Variants in VSIG10 observed in about 807,000 individuals in gnomAD.
VSIG10 encodes V-set and immunoglobulin domain-containing protein 10.
VSIG10 carries 48 observed loss-of-function variants against 58.7 expected under a neutral mutation model. The ratio of observed to expected loss-of-function variants is 0.82; its 90% CI spans 0.65 to 1.04. The LOEUF is 1.04. Ranked by LOEUF, VSIG10 falls within the 50% of genes least tolerant of loss-of-function variation. VSIG10 has a pLI of 0.00. For missense variants in VSIG10, 628 were observed against 670.0 expected (o/e 0.94, Z 0.69); for synonymous variants, 260 against 267.1 (o/e 0.97, Z 0.26).
intron 5 of VSIG10, among the ~76,000 whole-genome samples, 178 bp from the exon 6 acceptor site, chr12:118,071,647 G>A (rs2032498524): frequency 6.6e-6 from 1 of 152,162 alleles, no homozygotes; most frequent in Admixed American, 6.5e-5. Flanking sequence ...GAGTTTGTGG[G>A]GATCAGATGG....
intron 1 of VSIG10, 47 bp from the exon 2 acceptor site, chr12:118,095,861 A>T: frequency 6.4e-7 from 1 of 1,554,348 alleles, no homozygotes; most frequent in Non-Finnish European, 8.7e-7. Context: ...TAATTTCTAA[A>T]CAATGTCCCT....
Position 118,073,964 on chromosome 12 carries a change from C to T in VSIG10, c.954G>A (p.Met318Ile). 2.5e-6 allele frequency: 4 copies of T among 1,592,362 alleles called. No individual in the cohort carries two copies. Among genetic ancestry groups the T allele is most frequent in the Non-Finnish European group, 3.4e-6 (4 of 1,167,484 alleles). ...IRGPSLLSEP[M>I]KTCFTGGNVT... is the part of the protein sequence containing the mutation. ...CATTGCCCCCAGTGAAGCAAGTCTT[C>T]ATGGGCTCAGAGAGAAGGGAGGGAC... is the stretch of plus-strand genomic sequence containing the variant. The change falls in exon 5 of 9, where the codon ATG becomes ATA. Residue 318 changes from methionine to isoleucine, a missense_variant. Coordinates refer to ENST00000359236, the MANE Select transcript of VSIG10 (RefSeq NM_019086.6).
chr12:118,075,261 T>A (rs2032680961), intron 4 of VSIG10, among the ~76,000 whole-genome samples: 2 of 151,862 alleles, frequency 1.3e-5, no homozygotes, highest in African/African-American at 4.8e-5. Context: ...ACCCATGGCT[T>A]CAGGCATCCA....
chr12:118,080,553 C>T (rs1013928959), intron 3 of VSIG10, among the ~76,000 whole-genome samples: 13 of 152,132 alleles, frequency 8.5e-5, no homozygotes, highest in African/African-American at 2.7e-4. Flanking sequence ...AAGATTCACA[C>T]GCTACTTGTT....
chr12:118,102,531 C>T (rs974231845), intron 1 of VSIG10: 3 of 152,060 alleles, frequency 2.0e-5, no homozygotes, highest in African/African-American at 7.2e-5. Context: ...GTTGCCAGAC[C>T]TTCAGATTTT....
chr12:118,089,858 C>A (rs779683629), intron 2 of VSIG10, among the ~76,000 whole-genome samples: 23 of 152,122 alleles, frequency 1.5e-4, no homozygotes, highest in Admixed American at 3.9e-4. Context: ...GCCACTGTCG[C>A]CACCCTGTCT....
At chr12:118,084,497 G>A (rs908115698) in intron 2 of VSIG10, among the ~76,000 whole-genome samples, 1 of 152,134 alleles carries the variant, frequency 6.6e-6, no homozygotes, top group African/African-American at 2.4e-5. Flanking sequence ...ATCAACAACC[G>A]ACTTTCTCTT....
intron 1 of VSIG10, among the ~76,000 whole-genome samples, chr12:118,099,482 G>A (rs113625717): frequency 4.6e-5 from 7 of 152,138 alleles, no homozygotes; most frequent in Admixed American, 1.3e-4. Context: ...AGGTGCTAAC[G>A]GGCATTAGAC....
rs762476708 is a variant in VSIG10, at chr12:118,079,341, C to T, written c.925+5G>A. 6.2e-7 allele frequency: 1 copy of T among 1,612,768 alleles called. No individual in the cohort carries two copies. Among genetic ancestry groups the T allele is most frequent in the Non-Finnish European group, 8.5e-7 (1 of 1,178,854 alleles). ...CAACCCCAAGACAAAGCAAAACAGA[C>T]TCACTGATCTGCACCATGCAGCTGG... On this transcript the variant is annotated splice_donor_5th_base_variant and intron_variant, in intron 4 of 8. Transcript: ENST00000359236.
rs1227227074 is a variant in VSIG10, at chr12:118,063,796, T to G, written c.*2843A>C. 6.6e-6 allele frequency: 1 copy of G among 152,184 alleles called. No individual in the cohort carries two copies. The highest frequency in any genetic ancestry group is 1.5e-5 in the Non-Finnish European group (1 of 68,038). The allele number at this position is 152,184 out of a possible 1,614,324, so 9.4% of individuals were successfully genotyped here. A position where few individuals can be genotyped will look rare whatever the true frequency, so the allele number is the denominator to read the frequency against. On this transcript the variant is annotated 3_prime_UTR_variant, in exon 9 of 9. Transcript: ENST00000359236. ...TTATTGCATCATAATACATTTTGCC[T>G]AGTAAGGATGATTTTCTAAGTCTCA...
chr12:118,067,926 A>G (rs1433104691), intron 8 of VSIG10, among the ~76,000 whole-genome samples: 1 of 151,648 alleles, frequency 6.6e-6, no homozygotes, highest in African/African-American at 2.4e-5. Context: ...TCTAGACTAA[A>G]GTTTAGCTAT....
chr12:118,075,772 A>G (rs1034720984), intron 4 of VSIG10, among the ~76,000 whole-genome samples: 2 of 149,896 alleles, frequency 1.3e-5, no homozygotes, highest in Non-Finnish European at 3.0e-5. Flanking sequence ...TCTCACAGCA[A>G]CCCTGTTATT....
chr12:118,102,738 A>T (rs1442279281), intron 1 of VSIG10: 2 of 152,244 alleles, frequency 1.3e-5, no homozygotes, highest in East Asian at 3.9e-4. Context: ...CCGGGAACAC[A>T]AAAAGTAGCG....
chr12:118,087,206 C>CA (rs1566170736), intron 2 of VSIG10, among the ~76,000 whole-genome samples: 1 of 152,034 alleles, frequency 6.6e-6, no homozygotes, highest in East Asian at 1.9e-4. Context: ...CTTCACCTTT[C>CA]AATTAACAGG....
In VSIG10 at chr12:118,066,673, C is replaced by T; in HGVS notation, c.1589G>A (p.Ser530Asn). The change falls in exon 9 of 9, where the codon AGT becomes AAT. Residue 530 changes from serine to asparagine, a missense_variant. Ser to Asn is a conservative substitution (Grantham distance 46). Coordinates refer to ENST00000359236, the MANE Select transcript of VSIG10 (RefSeq NM_019086.6). The stretch of plus-strand genomic sequence containing the variant: ...CCTGTCTTCTTCTTGAACAATGTCA[C>T]TTTGCTCCTCACTGCTGTCATCTGT... ...DLQDDSSEEQ[S>N]DIVQEEDRPV 1 of 1,612,420 alleles carries T rather than the reference C, an allele frequency of 6.2e-7. No homozygotes were observed. The highest frequency in any genetic ancestry group is 1.1e-5 in the South Asian group (1 of 90,898).
At chr12:118,085,359 G>GTAGA (rs950752778) in intron 2 of VSIG10, among the ~76,000 whole-genome samples, 4 of 152,178 alleles carry the variant, frequency 2.6e-5, no homozygotes, top group Admixed American at 2.6e-4. Context: ...CCTCTTGGAG[G>GTAGA]TAGACACAGA....
rs898861397 is a variant in VSIG10 at position 118,064,950 on chromosome 12, T to C, written c.*1689A>G. ...TGCCCACTAGAGCAGATACGCAACA[T>C]TAAAGAGTGCAAATTCAAGTCAGTT... On this transcript the variant is annotated 3_prime_UTR_variant, in exon 9 of 9. Coordinates refer to ENST00000359236, the MANE Select transcript of VSIG10 (RefSeq NM_019086.6). 4.6e-5 allele frequency: 7 copies of C among 152,168 alleles called. No individual in the cohort carries two copies. Among genetic ancestry groups the C allele is most frequent in the Non-Finnish European group, 4.4e-5 (3 of 68,032 alleles). The allele number at this position is 152,168 out of a possible 1,614,324, so 9.4% of individuals were successfully genotyped here. A position where few individuals can be genotyped will look rare whatever the true frequency, so the allele number is the denominator to read the frequency against.
chr12:118,068,064 T>C (rs1257943993), intron 8 of VSIG10, among the ~76,000 whole-genome samples: 1 of 138,092 alleles, frequency 7.2e-6, no homozygotes, highest in Non-Finnish European at 1.5e-5. Context: ...GGTTTCCTAC[T>C]GCTGCCCAGA....
At chr12:118,099,188 A>T (rs910726542) in intron 1 of VSIG10, among the ~76,000 whole-genome samples, 2 of 152,028 alleles carry the variant, frequency 1.3e-5, no homozygotes, top group Non-Finnish European at 2.9e-5. Context: ...CAGGAGACTG[A>T]AGCTGCAGTG....
Sources: gnomAD v4.1 joint callset for allele counts (sites outside exome capture counted in the v4.1 genomes callset) on GRCh38, gnomAD v4.1.1 for gene constraint, MANE v1.5 for transcripts, NCBI Gene and HGNC (gene_info 2026-07-23, HGNC 2026-07-21) for gene names.